The following MGST1 variants were observed in gnomAD, a reference collection of about 807,000 sequenced individuals.
MGST1 encodes glutathione S-transferase 12.
In MGST1, 5 loss-of-function variants were observed where a neutral mutation model predicts 8.9. The observed-to-expected ratio is 0.56, with a 90% confidence interval of 0.29 to 1.19. The LOEUF is 1.19. Ranked by LOEUF, MGST1 falls within the 50% of genes most tolerant of loss-of-function variation. MGST1 has a pLI of 0.08. For missense variants in MGST1, 182 were observed against 187.4 expected (o/e 0.97, Z 0.17); for synonymous variants, 54 against 67.8 (o/e 0.80, Z 1.00).
In MGST1 at chr12:16,576,452, A is replaced by G. The variant is rs900802941; in HGVS notation, n.483-13076A>G. On this transcript the variant is annotated intron_variant and non_coding_transcript_variant, in intron 4 of 4. Transcript: ENST00000538857. This position sits in a 1 kb window ranked among gnomAD's most constrained non-coding sequence, Gnocchi z 4.1. ...AAGACTACTGCTGCTTTTTTTTCAT[A>G]TTCAGATCAAATGTCAATGGATCTA... is the stretch of plus-strand genomic sequence containing the variant. 2.0e-5 allele frequency among the ~76,000 whole-genome samples: 3 copies of G among 152,144 alleles called. No individual in the cohort carries two copies. The East Asian group carries it at 5.8e-4, about 29-fold the overall frequency.
intron 4 of MGST1, among the ~76,000 whole-genome samples, chr12:16,501,393 C>T (rs1406415324): frequency 6.6e-6 from 1 of 152,182 alleles, no homozygotes; most frequent in African/African-American, 2.4e-5. Flanking sequence ...CATAAAACCG[C>T]ACACACAGTG....
In MGST1 at chr12:16,363,749, C is replaced by A; in HGVS notation, c.222-46C>A. The stretch of plus-strand genomic sequence containing the variant: ...AAGAGAGAGAAAAAAGGATACATAT[C>A]TAGTATTTTGAAATTAGTGTCTTTA... On this transcript the variant is annotated intron_variant, in intron 3 of 3. Coordinates refer to ENST00000396210, the MANE Select transcript of MGST1 (RefSeq NM_020300.5). This position sits in a 1 kb window ranked among gnomAD's most constrained non-coding sequence, Gnocchi z 4.6. 2.0e-6 allele frequency: 3 copies of A among 1,468,286 alleles called. No homozygotes were observed. The highest frequency in any genetic ancestry group is 1.8e-4 in the Middle Eastern group (1 of 5,472). The allele number at this position is 1,468,286 out of a possible 1,614,324, so 91.0% of individuals were successfully genotyped here. A position where few individuals can be genotyped will look rare whatever the true frequency, so the allele number is the denominator to read the frequency against.
At chr12:16,476,950 C>T (rs1248649671) in intron 4 of MGST1, among the ~76,000 whole-genome samples, 1 of 152,082 alleles carries the variant, frequency 6.6e-6, no homozygotes, top group African/African-American at 2.4e-5. Flanking sequence ...TAATCTTGAG[C>T]CAATCAGTCT....
intron 4 of MGST1, among the ~76,000 whole-genome samples, chr12:16,490,485 TG>T (rs1274411830): frequency 6.6e-6 from 1 of 152,210 alleles, no homozygotes; most frequent in Non-Finnish European, 1.5e-5. Flanking sequence ...ATTTGCAGGT[TG>T]TTTTTTTACA....
chr12:16,373,524 G>A (rs1423159423), intron 3 of MGST1, among the ~76,000 whole-genome samples: 2 of 151,850 alleles, frequency 1.3e-5, no homozygotes, highest in Non-Finnish European at 2.9e-5. Flanking sequence ...TGTGATAACT[G>A]TTATGTATCC....
At chr12:16,498,084 A>T (rs1304175807) in intron 4 of MGST1, among the ~76,000 whole-genome samples, 1 of 152,178 alleles carries the variant, frequency 6.6e-6, no homozygotes, top group Non-Finnish European at 1.5e-5. Context: ...TTCATCTTCC[A>T]TCATAACATA....
At chr12:16,402,669 T>TAATAC (rs1195166850) in intron 1 of MGST1, among the ~76,000 whole-genome samples, 5 of 152,134 alleles carry the variant, frequency 3.3e-5, no homozygotes, top group African/African-American at 1.2e-4. Context: ...TGTCCCTTAT[T>TAATAC]AATACAATAG....
chr12:16,431,294 G>C (rs929089953), intron 1 of MGST1, among the ~76,000 whole-genome samples: 1 of 152,102 alleles, frequency 6.6e-6, no homozygotes, highest in Non-Finnish European at 1.5e-5. Context: ...TTCATGTGTT[G>C]ACTGGAGTAG....
At chr12:16,505,529 C>T (rs530628392) in intron 4 of MGST1, among the ~76,000 whole-genome samples, 1 of 152,288 alleles carries the variant, frequency 6.6e-6, no homozygotes, top group South Asian at 2.1e-4. Context: ...AAAACCCCTA[C>T]GTAATTCAGT....
intron 4 of MGST1, among the ~76,000 whole-genome samples, chr12:16,479,235 CTT>C (rs542448251): frequency 6.2e-5 from 7 of 112,054 alleles, no homozygotes; most frequent in Admixed American, 1.1e-4. Flanking sequence ...TAGACTGTAT[CTT>C]TTTTTTTTTT....
At chr12:16,432,476 G>C (rs1040673470) in intron 1 of MGST1, among the ~76,000 whole-genome samples, 1 of 151,956 alleles carries the variant, frequency 6.6e-6, no homozygotes, top group Admixed American at 6.6e-5. Context: ...TATCTGCCTA[G>C]TCTACCTTAG....
intron 1 of MGST1, among the ~76,000 whole-genome samples, chr12:16,406,058 C>G (rs1197399587): frequency 1.3e-5 from 2 of 152,132 alleles, no homozygotes; most frequent in African/African-American, 4.8e-5. Flanking sequence ...AAGTCCTGGT[C>G]AGAGCATTCA....
At chr12:16,588,036 T>C (rs952584675) in intron 4 of MGST1, among the ~76,000 whole-genome samples, 2 of 152,142 alleles carry the variant, frequency 1.3e-5, no homozygotes, top group African/African-American at 4.8e-5. Flanking sequence ...CTTTGGTATT[T>C]TCCCCCTTTT....
chr12:16,510,701 C>T (rs1038918514), intron 4 of MGST1, among the ~76,000 whole-genome samples: 3 of 152,184 alleles, frequency 2.0e-5, no homozygotes, highest in Admixed American at 6.5e-5. Context: ...ACTGTAAAAT[C>T]ATTTTAGGTC....
chr12:16,460,597 G>GTTT (rs368666166), intron 4 of MGST1, among the ~76,000 whole-genome samples: 1 of 131,994 alleles, frequency 7.6e-6, no homozygotes, highest in African/African-American at 2.8e-5. Context: ...ATTCAGGTCA[G>GTTT]TTTTTTTTTT....
rs1023442180 is a variant in MGST1, at chr12:16,585,956, G to C, written n.483-3572G>C. Among the ~76,000 whole-genome samples, 4 of 152,064 alleles carry C rather than the reference G, an allele frequency of 2.6e-5. No individual in the cohort carries two copies. Among genetic ancestry groups the C allele is most frequent in the Non-Finnish European group, 1.5e-5 (1 of 67,998 alleles). On this transcript the variant is annotated intron_variant and non_coding_transcript_variant, in intron 4 of 4. Coordinates refer to the MGST1 transcript ENST00000538857. This position sits in a 1 kb window ranked among gnomAD's most constrained non-coding sequence, Gnocchi z 4.7. Reference sequence around the variant, plus strand: ...CTGGGCGACATTTCACCAGTGAGGCGGTAGGACATTGTGTGATACAGTAAA... The same window carrying C: ...CTGGGCGACATTTCACCAGTGAGGCCGTAGGACATTGTGTGATACAGTAAA...
intron 1 of MGST1, among the ~76,000 whole-genome samples, chr12:16,414,716 A>G (rs1940772670): frequency 6.6e-6 from 1 of 152,112 alleles, no homozygotes; most frequent in Non-Finnish European, 1.5e-5. Flanking sequence ...CGCCCGGCCA[A>G]GGTGGTTATT....
intron 4 of MGST1, among the ~76,000 whole-genome samples, chr12:16,469,086 A>G (rs1361470265): frequency 6.6e-6 from 1 of 151,470 alleles, no homozygotes; most frequent in Non-Finnish European, 1.5e-5. Context: ...ACAGAGTTCC[A>G]TTTTATTTGA....
In MGST1 at chr12:16,576,288, G is replaced by A. The variant is rs564756988; in HGVS notation, n.483-13240G>A. On this transcript the variant is annotated intron_variant and non_coding_transcript_variant, in intron 4 of 4. Coordinates refer to the MGST1 transcript ENST00000538857. This position sits in a 1 kb window ranked among gnomAD's most constrained non-coding sequence, Gnocchi z 4.1. ...GAAGCATGAAAGGTCCATCCTGTCT[G>A]TCTTCTTTTCTGTCTTCTATCCCAT... 7.8e-4 allele frequency among the ~76,000 whole-genome samples: 119 copies of A among 152,216 alleles called. No individual in the cohort carries two copies. The South Asian group carries it at 0.023, about 30-fold the overall frequency.
Sources: gnomAD v4.1 joint callset for allele counts (sites outside exome capture counted in the v4.1 genomes callset) on GRCh38, gnomAD v4.1.1 for gene constraint, Gnocchi (gnomAD v3.1) non-coding constraint, MANE v1.5 for transcripts, NCBI Gene and HGNC (gene_info 2026-07-23, HGNC 2026-07-21) for gene names.